The following AKAP10 variants were observed in gnomAD, a reference collection of about 807,000 sequenced individuals.
AKAP10 encodes A-kinase anchor protein 10, mitochondrial.
AKAP10 carries 24 observed loss-of-function variants against 80.8 expected under a neutral mutation model. The ratio of observed to expected loss-of-function variants is 0.30; its 90% confidence interval spans 0.22 to 0.42. The LOEUF is 0.42. AKAP10 is among the 10% of genes least tolerant of loss of function. The pLI is 1.00. For synonymous variants in AKAP10, 291 were observed against 277.7 expected (o/e 1.05, Z -0.48); for missense variants, 661 against 794.9 (o/e 0.83, Z 2.03).
intron 3 of AKAP10, 51 bp from the exon 4 acceptor site, chr17:19,958,622 A>G: frequency 6.7e-7 from 1 of 1,484,580 alleles, no homozygotes; most frequent in South Asian, 1.3e-5. Context: ...ATAATTTCAG[A>G]TTGACAGATT....
chr17:19,936,271 G>C lies in AKAP10; in HGVS notation c.1467+15C>G, dbSNP rs1194980765. 5 of 1,601,272 alleles carry C rather than the reference G, an allele frequency of 3.1e-6. No individual in the cohort carries two copies. The East Asian group carries it at 1.1e-4, about 36-fold the overall frequency. The stretch of plus-strand genomic sequence containing the variant: ...AAACTTCTTGTAGTTTGATACGTTT[G>C]AAGTTCTGGGTTACCTTCTCCATGG... On this transcript the variant is annotated intron_variant, in intron 9 of 14. Transcript: ENST00000225737.
Position 19,940,981 on chromosome 17 carries a change from T to C in AKAP10, c.1091A>G (p.His364Arg). 6.2e-7 allele frequency: 1 copy of C among 1,608,812 alleles called. No individual in the cohort carries two copies. Among genetic ancestry groups the C allele is most frequent in the East Asian group, 2.2e-5 (1 of 44,684 alleles). Residue 364 changes from histidine (H) to arginine (R), a missense_variant, in exon 7 of 15, where the codon CAT becomes CGT. By Grantham distance (29) the His-to-Arg change is conservative. Transcript: ENST00000225737. ...EHFSEFLRSHHFCKYQIEVLT... is the reference protein window; with the variant it reads ...EHFSEFLRSHRFCKYQIEVLT... ...CACTTCAATCTGGTATTTACAGAAA[T>C]GGTGACTTCGCAGAAACTCACTAAA...
chr17:19,965,469 C>T (rs2043404848), intron 2 of AKAP10, among the ~76,000 whole-genome samples: 1 of 152,120 alleles, frequency 6.6e-6, no homozygotes, highest in Admixed American at 6.5e-5. Context: ...CTTCCTGCTT[C>T]CTCTGTCTCA....
rs1334766787 is a variant in AKAP10 at position 19,905,567 on chromosome 17, T to G, written c.*660A>C. 2 of 152,620 alleles carry G rather than the reference T, an allele frequency of 1.3e-5. No homozygotes were observed. Among genetic ancestry groups the G allele is most frequent in the East Asian group, 3.8e-4 (2 of 5,196 alleles). The allele number at this position is 152,620 out of a possible 1,614,324, so 9.5% of individuals were successfully genotyped here. On this transcript the variant is annotated 3_prime_UTR_variant, in exon 15 of 15. Transcript: ENST00000225737. Reference sequence around the variant, plus strand: ...GGGGAGAGAATGGTTTTAAGTATAGTGCATCTCAGGAGGAGGAATTAAAAT... The same window carrying G: ...GGGGAGAGAATGGTTTTAAGTATAGGGCATCTCAGGAGGAGGAATTAAAAT...
chr17:19,909,143 AAT>A, intron 14 of AKAP10, 36 bp downstream of exon 14: 2 of 1,535,760 alleles, frequency 1.3e-6, no homozygotes, highest in Non-Finnish European at 1.8e-6. Flanking sequence ...CCTGGAAAAT[AAT>A]ACTTTTTAGT....
At chr17:19,922,837 T>C (rs1369352833) in intron 11 of AKAP10, among the ~76,000 whole-genome samples, 1 of 151,740 alleles carries the variant, frequency 6.6e-6, no homozygotes, top group East Asian at 1.9e-4. Context: ...GAGACAGAGG[T>C]TGCAGAGAGC....
chr17:19,943,226 T>C (rs1326888842), intron 5 of AKAP10, among the ~76,000 whole-genome samples: 1 of 152,156 alleles, frequency 6.6e-6, no homozygotes, highest in Non-Finnish European at 1.5e-5. Context: ...CTAAAATTCA[T>C]GGAATCTCTG....
At position 19,906,154 on chromosome 17, in the gene AKAP10, T is replaced by C. The variant is rs896185564; in HGVS notation, c.*73A>G. 18 of 1,503,132 alleles carry C rather than the reference T, an allele frequency of 1.2e-5. No individual in the cohort carries two copies. Among genetic ancestry groups the C allele is most frequent in the Non-Finnish European group, 1.5e-5 (16 of 1,083,870 alleles). 93.1% of individuals were successfully genotyped at this position (1,503,132 alleles called of 1,614,324 possible). A position where few individuals can be genotyped will look rare whatever the true frequency, so the allele number is the denominator to read the frequency against. On this transcript the variant is annotated 3_prime_UTR_variant, in exon 15 of 15. Transcript: ENST00000225737. Reference sequence around the variant, plus strand: ...TATAGTGCTGTTTTCATTGGCTGTGTTGAAGAATCCAACCAAGGGAAAAAA... The same window carrying C: ...TATAGTGCTGTTTTCATTGGCTGTGCTGAAGAATCCAACCAAGGGAAAAAA...
chr17:19,923,767 C>T (rs1377124976), intron 11 of AKAP10, among the ~76,000 whole-genome samples: 2 of 152,132 alleles, frequency 1.3e-5, no homozygotes, highest in African/African-American at 2.4e-5. Context: ...ACCTCGTGAT[C>T]CGCCCACCTC....
intron 2 of AKAP10, among the ~76,000 whole-genome samples, chr17:19,967,625 G>A (rs1478481721): frequency 3.3e-5 from 5 of 152,258 alleles, no homozygotes. Context: ...GCTCACGCCT[G>A]TAATCCCAGG....
At chr17:19,970,528 T>G (rs1042752549) in intron 1 of AKAP10, among the ~76,000 whole-genome samples, 4 of 152,132 alleles carry the variant, frequency 2.6e-5, no homozygotes, top group African/African-American at 9.7e-5. Context: ...ACTTACTAAA[T>G]TAGATATTTC....
intron 5 of AKAP10, among the ~76,000 whole-genome samples, chr17:19,946,256 TATATATATATATATATATA>T (rs2043121168): frequency 6.3e-4 from 15 of 23,630 alleles, no homozygotes; most frequent in Non-Finnish European, 6.8e-4. Flanking sequence ...TATATATATA[TATATATATATATATATATA>T]TTTTTTTTTT....
intron 4 of AKAP10, among the ~76,000 whole-genome samples, chr17:19,947,902 G>C (rs911653915): frequency 2.0e-4 from 31 of 151,778 alleles, no homozygotes; most frequent in Admixed American, 6.6e-4. Context: ...GGTGAAGCTT[G>C]TGTGGATGAA....
Position 19,921,700 on chromosome 17 carries a change from A to T in AKAP10, c.1752-1582T>A, listed in dbSNP as rs541236392. On this transcript the variant is annotated intron_variant, in intron 11 of 14. Coordinates refer to ENST00000225737, the MANE Select transcript of AKAP10 (RefSeq NM_007202.4). ...TTTTCAAAAATTTTTTCAAAAAAAA[A>T]TTTTTTAATCTGCCTCTTGGTACAA... is the stretch of plus-strand genomic sequence containing the variant. Among the ~76,000 whole-genome samples the T allele has an allele frequency of 8.3e-4, 126 of 151,992 alleles. 1 individual carries two copies. The South Asian group carries it at 9.8e-3, about 12-fold the overall frequency.
At chr17:19,907,999 G>A (rs948258452) in intron 14 of AKAP10, among the ~76,000 whole-genome samples, 2 of 152,020 alleles carry the variant, frequency 1.3e-5, no homozygotes, top group Non-Finnish European at 2.9e-5. Context: ...AAGTAGCCGG[G>A]ATCACAGGTG....
intron 1 of AKAP10, among the ~76,000 whole-genome samples, chr17:19,973,302 C>G (rs1398828556): frequency 6.6e-6 from 1 of 152,178 alleles, no homozygotes; most frequent in African/African-American, 2.4e-5. Flanking sequence ...TTTATCGTAG[C>G]ACAGCCATGC....
chr17:19,929,937 A>AT (rs2042914302), intron 10 of AKAP10, among the ~76,000 whole-genome samples: 1 of 148,556 alleles, frequency 6.7e-6, no homozygotes, highest in African/African-American at 2.5e-5. Flanking sequence ...CGATCGTGCC[A>AT]TTGCACTCCA....
At chr17:19,943,715 A>C (rs562858490) in intron 5 of AKAP10, among the ~76,000 whole-genome samples, 2 of 152,350 alleles carry the variant, frequency 1.3e-5, no homozygotes, top group Non-Finnish European at 2.9e-5. Context: ...TGGGAACTCC[A>C]ATTTATAGAA....
intron 4 of AKAP10, 51 bp downstream of exon 4, chr17:19,957,963 A>T: frequency 2.0e-6 from 3 of 1,499,416 alleles, no homozygotes; most frequent in Non-Finnish European, 2.7e-6. Context: ...TTAGTAAATT[A>T]AAAAAAGAAA....
Sources: allele counts gnomAD v4.1 joint callset (sites outside exome capture counted in the v4.1 genomes callset), GRCh38; gene constraint gnomAD v4.1.1; transcripts MANE v1.5; gene names NCBI Gene and HGNC (gene_info 2026-07-23, HGNC 2026-07-21).